The following MEF2A variants were observed in gnomAD, a reference collection of about 807,000 sequenced individuals.
MEF2A encodes myocyte enhancer factor 2A.
A neutral mutation model predicts 55.8 loss-of-function variants in MEF2A; 28 were observed. The observed-to-expected ratio is 0.50, with a 90% confidence interval of 0.37 to 0.69. The LOEUF is 0.69. Ranked by LOEUF, MEF2A falls within the 30% of genes least tolerant of loss-of-function variation. MEF2A has a pLI of 0.00. For missense variants in MEF2A, 528 were observed against 626.2 expected (o/e 0.84, Z 1.67); for synonymous variants, 239 against 227.1 (o/e 1.05, Z -0.47).
intron 1 of MEF2A, among the ~76,000 whole-genome samples, chr15:99,584,171 T>C (rs1008306332): frequency 2.0e-5 from 3 of 152,196 alleles, no homozygotes; most frequent in Non-Finnish European, 2.9e-5. Flanking sequence ...TATAATCTTA[T>C]GTGACCACCG....
At chr15:99,659,717 T>C (rs2048328826) in intron 4 of MEF2A, among the ~76,000 whole-genome samples, 1 of 152,146 alleles carries the variant, frequency 6.6e-6, no homozygotes, top group Non-Finnish European at 1.5e-5. Flanking sequence ...AATATTCTCC[T>C]CTATAAGGGT....
At chr15:99,589,659 A>G (rs1968586875) in intron 1 of MEF2A, among the ~76,000 whole-genome samples, 1 of 152,140 alleles carries the variant, frequency 6.6e-6, no homozygotes, top group South Asian at 2.1e-4. Context: ...ACGTATCTTT[A>G]GCTTTACCCT....
chr15:99,619,725 TGTG>T (rs2040813899), intron 2 of MEF2A, among the ~76,000 whole-genome samples: 1 of 152,178 alleles, frequency 6.6e-6, no homozygotes, highest in Non-Finnish European at 1.5e-5. Context: ...TATTTGCAAA[TGTG>T]TGGTATTTTA....
intron 1 of MEF2A, among the ~76,000 whole-genome samples, chr15:99,574,503 A>G (rs1356456641): frequency 6.6e-6 from 1 of 152,190 alleles, no homozygotes; most frequent in African/African-American, 2.4e-5. Context: ...CTGCTACTAG[A>G]GGGTCCCATC....
intron 3 of MEF2A, among the ~76,000 whole-genome samples, chr15:99,644,807 A>G (rs1387524620): frequency 1.3e-5 from 2 of 152,210 alleles, no homozygotes; most frequent in Non-Finnish European, 1.5e-5. Context: ...AAGAGGGATC[A>G]AGGGTAACTC....
chr15:99,652,955 C>G (rs567478001), intron 4 of MEF2A, among the ~76,000 whole-genome samples: 1 of 152,128 alleles, frequency 6.6e-6, no homozygotes, highest in African/African-American at 2.4e-5. Flanking sequence ...GATATGCTGG[C>G]TATTTTATTA....
intron 2 of MEF2A, among the ~76,000 whole-genome samples, chr15:99,609,138 G>A (rs1459348803): frequency 6.6e-6 from 1 of 152,188 alleles, no homozygotes; most frequent in African/African-American, 2.4e-5. Flanking sequence ...GACCCCACCT[G>A]CTCACTCTTG....
rs540528293 is a variant in MEF2A at position 99,594,746 on chromosome 15, A to G, written c.-224-3684A>G. ...TATGTATTTCTTATTACATCACATTATTTCTATCTGTGTGATTTGTGTGAT... is the reference window on the plus strand; with the variant it reads ...TATGTATTTCTTATTACATCACATTGTTTCTATCTGTGTGATTTGTGTGAT... On this transcript the variant is annotated intron_variant, in intron 1 of 11. Transcript: ENST00000557942. 2.0e-5 allele frequency among the ~76,000 whole-genome samples: 3 copies of G among 152,074 alleles called. No individual in the cohort carries two copies. In the East Asian group the frequency reaches 5.8e-4, roughly 29 times the overall value.
In MEF2A at chr15:99,690,401, T is replaced by C. The variant is rs750044944; in HGVS notation, c.831T>C (p.Pro277=). Residue 277 remains proline (P), a synonymous_variant, in exon 8 of 12, where the codon CCT becomes CCC. Transcript: ENST00000557942. ...CAGATCTTCGAGTTGTCATCCCCCC[T>C]TCAAGCAAGGGCATGATGCCTCCAC... The part of the protein sequence containing the change: ...RKPDLRVVIP[P]SSKGMMPPLS... 4 of 1,604,048 alleles carry C rather than the reference T, an allele frequency of 2.5e-6. No individual in the cohort carries two copies. The highest frequency in any genetic ancestry group is 2.6e-6 in the Non-Finnish European group (3 of 1,173,752).
chr15:99,655,205 A>G (rs2047501610), intron 4 of MEF2A, among the ~76,000 whole-genome samples: 3 of 152,188 alleles, frequency 2.0e-5, no homozygotes, highest in African/African-American at 7.2e-5. Flanking sequence ...GAGCTCAGAA[A>G]TGTACCCACA....
chr15:99,642,697 C>T (rs1009064742), intron 3 of MEF2A, among the ~76,000 whole-genome samples: 5 of 152,170 alleles, frequency 3.3e-5, no homozygotes, highest in African/African-American at 1.2e-4. Flanking sequence ...TGGCATTCTA[C>T]ATTTAGAACA....
chr15:99,598,776 A>C (rs867417701), intron 2 of MEF2A, among the ~76,000 whole-genome samples: 1 of 152,036 alleles, frequency 6.6e-6, no homozygotes, highest in Admixed American at 6.6e-5. Context: ...CATATTCTCT[A>C]TCAGTTAACC....
chr15:99,649,406 C>A (rs1042199325), intron 4 of MEF2A, among the ~76,000 whole-genome samples: 1 of 152,046 alleles, frequency 6.6e-6, no homozygotes, highest in Non-Finnish European at 1.5e-5. Flanking sequence ...ATATTTCTTA[C>A]AAAACATGAG....
intron 8 of MEF2A, among the ~76,000 whole-genome samples, chr15:99,702,345 A>G: frequency 6.6e-6 from 1 of 152,214 alleles, no homozygotes; most frequent in Non-Finnish European, 1.5e-5. Flanking sequence ...AACTTACTCA[A>G]GTAAAACAAG....
rs569149207 is a variant in MEF2A, at chr15:99,601,667, A to G, written c.-143+3156A>G. ...ATTTTAAATATTGAACCAACCATTCATGTATTCTTAGGATAATTATCACTT... is the reference window on the plus strand; with the variant it reads ...ATTTTAAATATTGAACCAACCATTCGTGTATTCTTAGGATAATTATCACTT... On this transcript the variant is annotated intron_variant, in intron 2 of 11. Coordinates refer to ENST00000557942, the MANE Select transcript of MEF2A (RefSeq NM_001319206.4). Among the ~76,000 whole-genome samples, 16 of 152,156 alleles carry G rather than the reference A, an allele frequency of 1.1e-4. No homozygotes were observed. In the East Asian group the frequency reaches 2.1e-3, roughly 20 times the overall value.
At chr15:99,622,843 C>T (rs1376569854) in intron 2 of MEF2A, among the ~76,000 whole-genome samples, 1 of 151,984 alleles carries the variant, frequency 6.6e-6, no homozygotes, top group East Asian at 1.9e-4. Context: ...GCTGGGACTA[C>T]AGGCGCCGCC....
intron 8 of MEF2A, among the ~76,000 whole-genome samples, chr15:99,692,694 A>C (rs1022829030): frequency 9.2e-5 from 14 of 152,182 alleles, no homozygotes; most frequent in Admixed American, 5.9e-4. Flanking sequence ...AAGCTCCTGA[A>C]AAGGTCTCGC....
chr15:99,650,329 C>T (rs556264599), intron 4 of MEF2A, among the ~76,000 whole-genome samples: 101 of 152,212 alleles, frequency 6.6e-4, no homozygotes, highest in Non-Finnish European at 1.2e-3. Context: ...AGCATTTTAC[C>T]GTAAGTAGAT....
At position 99,712,789 on chromosome 15, in the gene MEF2A, T is replaced by C. The variant is rs1417870765; in HGVS notation, c.*18T>C. 6.5e-7 allele frequency: 1 copy of C among 1,549,124 alleles called. No homozygotes were observed. Among genetic ancestry groups the C allele is most frequent in the Non-Finnish European group, 8.7e-7 (1 of 1,144,704 alleles). ...TGACCTAAGGCTTCCAAGCTGATGT[T>C]TGTACTTTTGTGTTACTGCAGTGAC... On this transcript the variant is annotated 3_prime_UTR_variant, in exon 12 of 12. Transcript: ENST00000557942. This position sits in a 1 kb window ranked among gnomAD's most constrained non-coding sequence, Gnocchi z 4.1.
Sources: allele counts gnomAD v4.1 joint callset (sites outside exome capture counted in the v4.1 genomes callset), GRCh38; gene constraint gnomAD v4.1.1; non-coding constraint Gnocchi (gnomAD v3.1); transcripts MANE v1.5; gene names NCBI Gene and HGNC (gene_info 2026-07-23, HGNC 2026-07-21).